The following VWA3B variants were observed in gnomAD, a reference collection of about 807,000 sequenced individuals.
The protein encoded by VWA3B is von Willebrand factor A domain-containing protein 3B.
In VWA3B, 138 loss-of-function variants were observed where a neutral mutation model predicts 158.3. That is an observed-to-expected ratio of 0.87 (90% CI 0.76 to 1.00). The LOEUF (loss-of-function observed/expected upper bound fraction) is 1.00, where lower values mean the gene tolerates loss of function less well. Ranked by LOEUF, VWA3B falls within the 50% of genes least tolerant of loss-of-function variation. The pLI is 0.00. For missense variants in VWA3B, 1,555 were observed against 1,565.1 expected (o/e 0.99, Z 0.11); for synonymous variants, 596 against 587.3 (o/e 1.01, Z -0.21).
At chr2:98,295,569 G>A (rs1689753145) in intron 23 of VWA3B, among the ~76,000 whole-genome samples, 1 of 152,196 alleles carries the variant, frequency 6.6e-6, no homozygotes, top group Admixed American at 6.5e-5. Flanking sequence ...CTTCCGCCCA[G>A]AGGAGGGGAG....
chr2:98,298,150 G>T, intron 24 of VWA3B, 119 bp downstream of exon 24: 1 of 1,263,498 alleles, frequency 7.9e-7, no homozygotes, highest in Non-Finnish European at 1.0e-6. Context: ...CTGCAGGGAG[G>T]GTGTGTTTGG....
chr2:98,181,423 G>C (rs1420098014), intron 9 of VWA3B, among the ~76,000 whole-genome samples: 2 of 152,204 alleles, frequency 1.3e-5, no homozygotes, highest in Non-Finnish European at 2.9e-5. Context: ...ATGAGTTCTA[G>C]ACATCAGTGA....
chr2:98,310,667 G>A (rs1382018422), intron 26 of VWA3B, among the ~76,000 whole-genome samples: 2 of 152,202 alleles, frequency 1.3e-5, no homozygotes, highest in Non-Finnish European at 2.9e-5. Flanking sequence ...AGCAGGGGCG[G>A]TAAGTGTACC....
At chr2:98,297,760 CAAG>C (rs1357800816) in intron 23 of VWA3B, 144 bp from the exon 24 acceptor site, 15 of 1,119,376 alleles carry the variant, frequency 1.3e-5, no homozygotes, top group Non-Finnish European at 1.5e-5. Context: ...CTATGGTGCC[CAAG>C]ATTATCTGCT....
At chr2:98,172,255 G>C (rs561643434) in intron 8 of VWA3B, among the ~76,000 whole-genome samples, 2 of 152,366 alleles carry the variant, frequency 1.3e-5, no homozygotes, top group South Asian at 4.1e-4. Flanking sequence ...AGGGGAGCTA[G>C]AAGGGTGATG....
the VWA3B span, among the ~76,000 whole-genome samples, chr2:98,320,097 G>A: frequency 2.6e-5 from 4 of 152,106 alleles, no homozygotes; most frequent in Non-Finnish European, 5.9e-5. Flanking sequence ...GGGCCAAGTG[G>A]GAGGTAATTG....
chr2:98,320,193 C>T, the VWA3B span, among the ~76,000 whole-genome samples: 1 of 152,154 alleles, frequency 6.6e-6, no homozygotes, highest in Non-Finnish European at 1.5e-5. Flanking sequence ...GGGCAGTCCC[C>T]TGCACACACT....
intron 14 of VWA3B, among the ~76,000 whole-genome samples, chr2:98,225,809 G>C (rs1432959600): frequency 6.6e-6 from 1 of 151,874 alleles, no homozygotes; most frequent in African/African-American, 2.4e-5. Context: ...GCATGTGGAA[G>C]TGAAAATTAA....
chr2:98,247,371 G>A (rs996657156), intron 19 of VWA3B, among the ~76,000 whole-genome samples: 2 of 152,000 alleles, frequency 1.3e-5, no homozygotes, highest in African/African-American at 2.4e-5. Context: ...GGGGATTTTA[G>A]TACCTTTTAA....
intron 7 of VWA3B, among the ~76,000 whole-genome samples, chr2:98,156,668 T>TG (rs375940018): frequency 0.46 from 44,609 of 97,294 alleles, 9,021 homozygotes; most frequent in South Asian, 0.66. Flanking sequence ...AAAACTCAGT[T>TG]TTTTTTTTTT....
rs1332633498 is a variant in VWA3B, at chr2:98,115,720, A to G, written c.265A>G (p.Arg89Gly). ...TGATGGTCTGTTTCCACAGCTCTAC[A>G]GAGCAGAAGATGGCAGAGTATACAA... ...YADGLFPQLYRAEDGRVYNLT... is the reference protein window; with the variant it reads ...YADGLFPQLYGAEDGRVYNLT... The change falls in exon 3 of 28, where the codon AGA (arginine) becomes GGA (glycine). Residue 89 changes from arginine (R) to glycine (G), a missense_variant. Physicochemically the swap from Arg to Gly is moderately radical, Grantham distance 125 (BLOSUM62 -2). Transcript: ENST00000477737. 1.9e-6 allele frequency: 3 copies of G among 1,613,544 alleles called. No individual in the cohort carries two copies. Among genetic ancestry groups the G allele is most frequent in the Non-Finnish European group, 2.5e-6 (3 of 1,180,010 alleles).
intron 23 of VWA3B, among the ~76,000 whole-genome samples, chr2:98,294,203 C>CAAAAAAAAAA (rs751689571): frequency 1.8e-5 from 1 of 56,288 alleles, no homozygotes; most frequent in African/African-American, 8.7e-5. Context: ...CACACACACA[C>CAAAAAAAAAA]AAAAAAAAAA....
In VWA3B at chr2:98,103,791, G is replaced by A. The variant is rs1196136927; in HGVS notation, c.196+10503G>A. Among the ~76,000 whole-genome samples the A allele has an allele frequency of 2.0e-5, 3 of 152,162 alleles. No individual in the cohort carries two copies. The East Asian group carries it at 5.8e-4, about 29-fold the overall frequency. ...GTTAATTAGATAAAGATGGTTGAAA[G>A]TCTTGGGAGAAAAATTATATATATT... On this transcript the variant is annotated intron_variant, in intron 2 of 27. Transcript: ENST00000477737.
intron 4 of VWA3B, among the ~76,000 whole-genome samples, chr2:98,121,010 CTT>C (rs1300788944): frequency 1.3e-5 from 2 of 152,222 alleles, no homozygotes; most frequent in Non-Finnish European, 2.9e-5. Flanking sequence ...AATAACTTCT[CTT>C]AATGTTTTAA....
the VWA3B span, among the ~76,000 whole-genome samples, chr2:98,322,253 T>C: frequency 3.1e-3 from 475 of 152,352 alleles, 3 homozygotes; most frequent in African/African-American, 0.011. Flanking sequence ...GTTTATTCTT[T>C]AAAACTGCAA....
At chr2:98,253,892 C>A (rs895863422) in intron 20 of VWA3B, among the ~76,000 whole-genome samples, 2 of 152,178 alleles carry the variant, frequency 1.3e-5, no homozygotes, top group African/African-American at 2.4e-5. Context: ...GGGCCTGAAT[C>A]CCACAGGGAC....
At chr2:98,214,186 G>A (rs1683778810) in intron 13 of VWA3B, among the ~76,000 whole-genome samples, 1 of 150,296 alleles carries the variant, frequency 6.7e-6, no homozygotes, top group Non-Finnish European at 1.5e-5. Flanking sequence ...GCGAGTCCCT[G>A]TCTCTAAGAA....
chr2:98,184,749 G>T (rs975231843), intron 9 of VWA3B, among the ~76,000 whole-genome samples: 6 of 152,348 alleles, frequency 3.9e-5, no homozygotes, highest in African/African-American at 1.4e-4. Context: ...CTGGAGTGGG[G>T]GCTGGTTTCT....
chr2:98,278,756 G>T (rs555190135), intron 22 of VWA3B, among the ~76,000 whole-genome samples: 1 of 152,138 alleles, frequency 6.6e-6, no homozygotes, highest in African/African-American at 2.4e-5. Context: ...AGGATGGGGG[G>T]GTGGTGTGGG....
Sources: gnomAD v4.1 joint callset for allele counts (sites outside exome capture counted in the v4.1 genomes callset) on GRCh38, gnomAD v4.1.1 for gene constraint, MANE v1.5 for transcripts, NCBI Gene and HGNC (gene_info 2026-07-23, HGNC 2026-07-21) for gene names.